SEMA3E: variants seen among roughly 807,000 people sequenced by gnomAD.
SEMA3E encodes the protein semaphorin-3E.
In SEMA3E, 49 loss-of-function variants were observed where a neutral mutation model predicts 93.6. The observed-to-expected ratio is 0.52, with a 90% CI of 0.42 to 0.66. SEMA3E has a LOEUF of 0.66. Among genes scored for constraint, SEMA3E ranks in the 30% least tolerant of loss-of-function variants. The probability of loss-of-function intolerance (pLI) is 0.00; values close to 1 mark genes in which losing one functional copy is unlikely to be tolerated. For missense variants in SEMA3E, 906 were observed against 964.8 expected (o/e 0.94, Z 0.81); for synonymous variants, 363 against 330.7 (o/e 1.10, Z -1.06).
At chr7:83,500,831 T>A (rs1162712946) in intron 1 of SEMA3E, among the ~76,000 whole-genome samples, 1 of 152,082 alleles carries the variant, frequency 6.6e-6, no homozygotes, top group Non-Finnish European at 1.5e-5. Flanking sequence ...CCTCAAGTGA[T>A]CCACCTGCCT....
chr7:83,532,228 A>G (rs1791317954), intron 1 of SEMA3E, among the ~76,000 whole-genome samples: 1 of 152,204 alleles, frequency 6.6e-6, no homozygotes. Context: ...TTGAGAACAT[A>G]AAATGGAGTT....
At chr7:83,507,795 T>TA (rs1239806991) in intron 1 of SEMA3E, among the ~76,000 whole-genome samples, 4 of 150,586 alleles carry the variant, frequency 2.7e-5, no homozygotes, top group Non-Finnish European at 4.4e-5. Context: ...AAATAAAAAA[T>TA]AAAAAAAATG....
At chr7:83,563,663 A>G (rs761831736) in intron 1 of SEMA3E, among the ~76,000 whole-genome samples, 1 of 152,208 alleles carries the variant, frequency 6.6e-6, no homozygotes. Flanking sequence ...CAAATATGTT[A>G]GTCTGCCTTT....
intron 1 of SEMA3E, among the ~76,000 whole-genome samples, chr7:83,601,894 C>T (rs1404842158): frequency 2.6e-5 from 4 of 152,144 alleles, no homozygotes; most frequent in African/African-American, 9.7e-5. Flanking sequence ...GCAGAAGTTA[C>T]TTTCTTTCAC....
At chr7:83,426,835 T>C (rs1361415598) in intron 4 of SEMA3E, among the ~76,000 whole-genome samples, 1 of 152,158 alleles carries the variant, frequency 6.6e-6, no homozygotes, top group Non-Finnish European at 1.5e-5. Flanking sequence ...TGCCATTGGC[T>C]TTAGTAAAAC....
At chr7:83,647,018 T>C (rs539472860) in intron 1 of SEMA3E, among the ~76,000 whole-genome samples, 61 of 152,254 alleles carry the variant, frequency 4.0e-4, no homozygotes, top group Non-Finnish European at 7.6e-4. Flanking sequence ...CATGTTGACA[T>C]CTTTGATGAT....
chr7:83,638,908 G>T (rs1292310560), intron 1 of SEMA3E, among the ~76,000 whole-genome samples: 5 of 151,252 alleles, frequency 3.3e-5, no homozygotes, highest in Non-Finnish European at 4.4e-5. Context: ...TCAGGAGATC[G>T]AGACCATCCC....
chr7:83,570,552 C>CAAAAAAAAAAA (rs59715914), intron 1 of SEMA3E, among the ~76,000 whole-genome samples: 28 of 32,988 alleles, frequency 8.5e-4, no homozygotes, highest in African/African-American at 3.0e-3. Flanking sequence ...GACTCCGTCT[C>CAAAAAAAAAAA]AAAAAAAAAA....
At chr7:83,598,632 G>C (rs552452427) in intron 1 of SEMA3E, among the ~76,000 whole-genome samples, 20 of 152,286 alleles carry the variant, frequency 1.3e-4, no homozygotes, top group Admixed American at 1.2e-3. Context: ...CTAGCGGTTT[G>C]CTGCTGCAAG....
At position 83,542,037 on chromosome 7, in the gene SEMA3E, A is replaced by G. The variant is rs561743589; in HGVS notation, c.116-51763T>C. Among the ~76,000 whole-genome samples the G allele has an allele frequency of 3.5e-4, 54 of 152,204 alleles. 2 individuals are homozygous for G. In the South Asian group the frequency reaches 0.011, roughly 30 times the overall value. ...TAGCTCTTGAATACTCCTACTGTGTAGTGACTCAGTGACAGTCAAGAATGG... is the reference window on the plus strand; with the variant it reads ...TAGCTCTTGAATACTCCTACTGTGTGGTGACTCAGTGACAGTCAAGAATGG... On this transcript the variant is annotated intron_variant, in intron 1 of 16. Coordinates refer to ENST00000643230, the MANE Select transcript of SEMA3E (RefSeq NM_012431.3).
chr7:83,598,582 G>A (rs1792922279), intron 1 of SEMA3E, among the ~76,000 whole-genome samples: 2 of 152,152 alleles, frequency 1.3e-5, no homozygotes, highest in African/African-American at 2.4e-5. Context: ...TATTGTACAG[G>A]CTAGAGTCCT....
chr7:83,502,835 C>T (rs1427721618), intron 1 of SEMA3E, among the ~76,000 whole-genome samples: 1 of 152,078 alleles, frequency 6.6e-6, no homozygotes, highest in Non-Finnish European at 1.5e-5. Context: ...AGACCAGTTC[C>T]TATGGTTTAT....
intron 11 of SEMA3E, among the ~76,000 whole-genome samples, chr7:83,399,447 A>G (rs571655175): frequency 6.6e-6 from 1 of 152,318 alleles, no homozygotes; most frequent in South Asian, 2.1e-4. Context: ...GTTGATCTTG[A>G]CGTGAACTCA....
chr7:83,537,882 C>T (rs974997588), intron 1 of SEMA3E, among the ~76,000 whole-genome samples: 1 of 152,152 alleles, frequency 6.6e-6, no homozygotes, highest in Non-Finnish European at 1.5e-5. Context: ...CAGCCTTAAA[C>T]AACTATTAAT....
chr7:83,437,238 T>C (rs1789022939), intron 4 of SEMA3E, among the ~76,000 whole-genome samples: 2 of 152,026 alleles, frequency 1.3e-5, no homozygotes, highest in Non-Finnish European at 2.9e-5. Flanking sequence ...ATCCAAAAAA[T>C]AATAATAATA....
chr7:83,424,069 A>C (rs1788723114), intron 4 of SEMA3E, among the ~76,000 whole-genome samples: 1 of 152,200 alleles, frequency 6.6e-6, no homozygotes. Flanking sequence ...TTATGTAAAA[A>C]GGAGAAGAAA....
At chr7:83,435,108 TAACA>T (rs1360775371) in intron 4 of SEMA3E, among the ~76,000 whole-genome samples, 9 of 152,244 alleles carry the variant, frequency 5.9e-5, no homozygotes, top group African/African-American at 1.9e-4. Flanking sequence ...TGTGTCCATT[TAACA>T]AACTAAATGT....
chr7:83,647,605 TG>T (rs1794095706), intron 1 of SEMA3E, among the ~76,000 whole-genome samples: 1 of 152,222 alleles, frequency 6.6e-6, no homozygotes, highest in Non-Finnish European at 1.5e-5. Flanking sequence ...TATTCATGAC[TG>T]GCTTGTATTG....
intron 8 of SEMA3E, 45 bp downstream of exon 8, chr7:83,405,900 G>T: frequency 7.7e-7 from 1 of 1,304,864 alleles, no homozygotes; most frequent in Non-Finnish European, 1.1e-6. Flanking sequence ...TTATAAAGAA[G>T]CATATACATA....
Sources: gnomAD v4.1 joint callset for allele counts (sites outside exome capture counted in the v4.1 genomes callset) on GRCh38, gnomAD v4.1.1 for gene constraint, MANE v1.5 for transcripts, NCBI Gene and HGNC (gene_info 2026-07-23, HGNC 2026-07-21) for gene names.